OPA1: variants seen among roughly 807,000 people sequenced by gnomAD.
The protein encoded by OPA1 is OPA1 mitochondrial dynamin like GTPase.
Under a neutral mutation model 152.9 loss-of-function variants are expected in OPA1, and 59 were observed. The ratio of observed to expected loss-of-function variants is 0.39; its 90% CI spans 0.31 to 0.48. The LOEUF is 0.48. Ranked by LOEUF, OPA1 falls within the 20% of genes least tolerant of loss-of-function variation. OPA1 has a pLI of 0.96. For missense variants in OPA1, 1,008 were observed against 1,216.8 expected (o/e 0.83, Z 2.55); for synonymous variants, 400 against 389.9 (o/e 1.03, Z -0.31).
chr3:193,679,274 A>G (rs1187807567), intron 29 of OPA1, among the ~76,000 whole-genome samples: 1 of 152,006 alleles, frequency 6.6e-6, no homozygotes, highest in African/African-American at 2.4e-5. Flanking sequence ...ATAACGGGGA[A>G]AAAAAAGGTT....
At chr3:193,611,868 G>A (rs914089131) in intron 1 of OPA1, among the ~76,000 whole-genome samples, 3 of 150,600 alleles carry the variant, frequency 2.0e-5, no homozygotes, top group Admixed American at 6.6e-5. Flanking sequence ...TTACAAGATT[G>A]TATGATGGAC....
intron 6 of OPA1, among the ~76,000 whole-genome samples, chr3:193,622,521 A>T (rs34520293): frequency 2.0e-5 from 3 of 151,938 alleles, no homozygotes; most frequent in South Asian, 2.1e-4. Context: ...GCCACCCAGC[A>T]GTCTGATTCT....
intron 20 of OPA1, chr3:193,648,541 A>G (rs561158568): frequency 1.8e-5 from 8 of 445,378 alleles, no homozygotes; most frequent in East Asian, 1.3e-4. Flanking sequence ...ATGCTTTCAC[A>G]TAACGTGAAC....
chr3:193,647,144 C>A lies in OPA1; in HGVS notation c.1834C>A (p.Arg612=). 6.2e-7 allele frequency: 1 copy of A among 1,613,080 alleles called. No individual in the cohort carries two copies. The highest frequency in any genetic ancestry group is 8.5e-7 in the Non-Finnish European group (1 of 1,179,626). ...ATCAGACTGCTTTTGGAAAATGGTA[C>A]GAGAGTCTGTTGAACAACAGGCTGA... The part of the protein sequence containing the change: ...AVSDCFWKMV[R]ESVEQQADSF... Residue 612 remains arginine, a synonymous_variant, in exon 19 of 31, where the codon CGA becomes AGA. Transcript: ENST00000361510.
At chr3:193,619,238 C>T (rs376248972) in intron 6 of OPA1, among the ~76,000 whole-genome samples, 4 of 152,110 alleles carry the variant, frequency 2.6e-5, no homozygotes, top group African/African-American at 4.8e-5. Flanking sequence ...ACAAGGCAAG[C>T]GGACTTCTTT....
intron 6 of OPA1, among the ~76,000 whole-genome samples, chr3:193,622,737 T>TA (rs1187753227): frequency 3.3e-5 from 5 of 152,220 alleles, no homozygotes; most frequent in Admixed American, 6.5e-5. Flanking sequence ...CTTACATTCT[T>TA]ACTATCTAAT....
In OPA1 at chr3:193,638,007, C is replaced by T. The variant is rs777107414; in HGVS notation, c.1091C>T (p.Ala364Val). ...AGKTSVLEMI[A>V]QARIFPRGSG... ...AAGACTAGTGTGTTGGAAATGATTG[C>T]CCAAGCTCGAATATTCCCAAGAGGA... is the stretch of plus-strand genomic sequence containing the variant. Residue 364 changes from alanine to valine, a missense_variant, in exon 11 of 31, where the codon GCC becomes GTC. Transcript: ENST00000361510. 2 of 1,613,960 alleles carry T rather than the reference C, an allele frequency of 1.2e-6. No homozygotes were observed. Among genetic ancestry groups the T allele is most frequent in the African/African-American group, 2.7e-5 (2 of 74,916 alleles).
chr3:193,596,387 T>TAA (rs1725572398), intron 1 of OPA1, among the ~76,000 whole-genome samples: 6 of 101,328 alleles, frequency 5.9e-5, no homozygotes, highest in African/African-American at 2.5e-4. Context: ...TTTCTTTTCT[T>TAA]TTCTGTTCTT....
chr3:193,617,271 A>G lies in OPA1; in HGVS notation c.542A>G (p.Asp181Gly), dbSNP rs138884045. ...KIVESLSLLKDFFTSGHKLVS... is the reference protein window; with the variant it reads ...KIVESLSLLKGFFTSGHKLVS... ...GTTGAAAGCCTTAGCTTATTGAAGG[A>G]CTTTTTTACCTCAGGTAAGGAAGAA... is the stretch of plus-strand genomic sequence containing the variant. Residue 181 changes from aspartate to glycine, a missense_variant, in exon 4 of 31, where the codon GAC (aspartate) becomes GGC (glycine). This residue lies in a region of OPA1 where 408 missense variants were observed against 395.1 expected (regional missense o/e 1.03). Transcript: ENST00000361510. The G allele has an allele frequency of 1.2e-6, 2 of 1,605,954 alleles. No homozygotes were observed. Among genetic ancestry groups the G allele is most frequent in the Non-Finnish European group, 1.7e-6 (2 of 1,172,982 alleles).
intron 30 of OPA1, 26 bp downstream of exon 30, chr3:193,692,158 T>G (rs1721777698): frequency 6.9e-6 from 8 of 1,158,756 alleles, no homozygotes; most frequent in Non-Finnish European, 1.0e-5. Flanking sequence ...CTAACTGTAT[T>G]GGTGCTGACT....
rs1322202337 is a variant in OPA1, at chr3:193,643,905, T to A, written c.1478-70T>A. 2.6e-6 allele frequency: 4 copies of A among 1,512,406 alleles called. No homozygotes were observed. The African/African-American group carries it at 5.5e-5, about 21-fold the overall frequency. 93.7% of individuals were successfully genotyped at this position (1,512,406 alleles called of 1,614,324 possible). A position where few individuals can be genotyped will look rare whatever the true frequency, so the allele number is the denominator to read the frequency against. On this transcript the variant is annotated intron_variant, in intron 15 of 30. Transcript: ENST00000361510. Reference sequence around the variant, plus strand: ...CTATAATGTAGACACAGGGGTATAATTTGTACTGAGTTTTAAAAGTCTACT... The same window carrying A: ...CTATAATGTAGACACAGGGGTATAAATTGTACTGAGTTTTAAAAGTCTACT...
chr3:193,638,515 C>T (rs924973465), intron 11 of OPA1, among the ~76,000 whole-genome samples: 3 of 152,132 alleles, frequency 2.0e-5, no homozygotes, highest in East Asian at 3.9e-4. Flanking sequence ...TTTAATTTTA[C>T]GTAAACACAC....
intron 1 of OPA1, among the ~76,000 whole-genome samples, chr3:193,602,321 A>G (rs1726588511): frequency 6.6e-6 from 1 of 152,232 alleles, no homozygotes; most frequent in Non-Finnish European, 1.5e-5. Context: ...GGTCCCATCC[A>G]ACGAGGTTCA....
rs75429754 is a variant in OPA1, at chr3:193,665,357, T to C, written c.2778+361T>C. ...ATTTCTTTTCAACTTTTTCTGTACATAGGGAGAGAGACAGAGAGGGAAAGA... is the reference window on the plus strand; with the variant it reads ...ATTTCTTTTCAACTTTTTCTGTACACAGGGAGAGAGACAGAGAGGGAAAGA... On this transcript the variant is annotated intron_variant, in intron 27 of 30. Transcript: ENST00000361510. Among the ~76,000 whole-genome samples, 43 of 152,146 alleles carry C rather than the reference T, an allele frequency of 2.8e-4. No homozygotes were observed. In the East Asian group the frequency reaches 7.9e-3, roughly 28 times the overall value.
intron 29 of OPA1, among the ~76,000 whole-genome samples, chr3:193,676,621 A>G (rs1161726332): frequency 6.6e-6 from 1 of 152,182 alleles, no homozygotes; most frequent in Non-Finnish European, 1.5e-5. Flanking sequence ...TTGATGAGAA[A>G]ATCGAGACTC....
At chr3:193,667,512 T>G in intron 29 of OPA1, 1 of 465,970 alleles carries the variant, frequency 2.1e-6, no homozygotes, top group Admixed American at 2.7e-5. Flanking sequence ...CTACTAAAAA[T>G]ACAAAAAACT....
intron 10 of OPA1, 110 bp from the exon 11 acceptor site, chr3:193,637,842 C>A: frequency 1.2e-6 from 1 of 864,012 alleles, no homozygotes; most frequent in Non-Finnish European, 1.9e-6. Flanking sequence ...TATTTTTTCA[C>A]CTGTAGAAAT....
At chr3:193,658,230 A>T (rs1031909344) in intron 23 of OPA1, among the ~76,000 whole-genome samples, 5 of 148,546 alleles carry the variant, frequency 3.4e-5, no homozygotes, top group African/African-American at 1.3e-4. Flanking sequence ...AGGCAACAAG[A>T]GCAAAACTCC....
chr3:193,632,376 G>A (rs1279889395), intron 8 of OPA1, among the ~76,000 whole-genome samples: 4 of 152,128 alleles, frequency 2.6e-5, no homozygotes, highest in South Asian at 2.1e-4. Flanking sequence ...AGCTACTCAG[G>A]AGGCTGAGGC....
Sources: gnomAD v4.1 joint callset for allele counts (sites outside exome capture counted in the v4.1 genomes callset) on GRCh38, gnomAD v4.1.1 for gene constraint, gnomAD v4.1.1 regional missense constraint, MANE v1.5 for transcripts, NCBI Gene and HGNC (gene_info 2026-07-23, HGNC 2026-07-21) for gene names.